The following MAP2 variants were observed in gnomAD, a reference collection of about 807,000 sequenced individuals.
MAP2 encodes microtubule associated protein 2.
In MAP2, 14 loss-of-function variants were observed where a neutral mutation model predicts 137.6. That is an observed-to-expected ratio of 0.10 (90% CI 0.07 to 0.16). The LOEUF is 0.16. Ranked by LOEUF, MAP2 falls within the 10% of genes least tolerant of loss-of-function variation. The probability of loss-of-function intolerance (pLI) is 1.00; values close to 1 mark genes in which losing one functional copy is unlikely to be tolerated. For missense variants in MAP2, 2,088 were observed against 2,191.5 expected (o/e 0.95, Z 0.94); for synonymous variants, 786 against 782.3 (o/e 1.00, Z -0.08).
At chr2:209,518,370 A>G (rs760687480) in intron 2 of MAP2, among the ~76,000 whole-genome samples, 14 of 152,116 alleles carry the variant, frequency 9.2e-5, no homozygotes, top group South Asian at 2.1e-4. Context: ...ATTTTTTAAA[A>G]GGGATCTTCA....
chr2:209,453,270 A>G (rs1416884364), intron 1 of MAP2, among the ~76,000 whole-genome samples: 2 of 152,046 alleles, frequency 1.3e-5, no homozygotes, highest in African/African-American at 2.4e-5. Context: ...ATGATCAGCC[A>G]TTATCTATCT....
intron 1 of MAP2, among the ~76,000 whole-genome samples, chr2:209,500,917 G>T (rs1304314045): frequency 6.6e-6 from 1 of 151,332 alleles, no homozygotes; most frequent in African/African-American, 2.4e-5. Context: ...CATGCCTCTA[G>T]TCCCAGCAAC....
chr2:209,677,386 TTAGATAGA>T (rs756741030), intron 5 of MAP2, among the ~76,000 whole-genome samples: 2 of 149,112 alleles, frequency 1.3e-5, no homozygotes, highest in South Asian at 2.1e-4. Flanking sequence ...AGATGATAGA[TTAGATAGA>T]TAGATAGATA....
chr2:209,673,581 A>T (rs1404482396), intron 5 of MAP2, among the ~76,000 whole-genome samples: 1 of 151,896 alleles, frequency 6.6e-6, no homozygotes, highest in African/African-American at 2.4e-5. Context: ...AGAACATTTT[A>T]TAAGTTCAAA....
rs565672185 is a variant in MAP2 at position 209,424,082 on chromosome 2, G to GGCA, written c.-394_-392dup. 135 of 160,590 alleles carry GGCA rather than the reference G, an allele frequency of 8.4e-4. 2 individuals are homozygous for GGCA. Among genetic ancestry groups the GGCA allele is most frequent in the South Asian group, 2.9e-3 (17 of 5,926 alleles). 9.9% of individuals were successfully genotyped at this position (160,590 alleles called of 1,614,324 possible). A position where few individuals can be genotyped will look rare whatever the true frequency, so the allele number is the denominator to read the frequency against. The stretch of plus-strand genomic sequence containing the variant: ...GGGCGCTCGGGCTGCGCGGGCTCTG[G>GGCA]GCAGCAGCAGCAGCAGCAGCAGCAT... On this transcript the variant is annotated 5_prime_UTR_variant, in exon 1 of 16. Transcript: ENST00000682079.
intron 2 of MAP2, among the ~76,000 whole-genome samples, chr2:209,539,169 C>T (rs2066473448): frequency 6.6e-6 from 1 of 152,164 alleles, no homozygotes; most frequent in Admixed American, 6.5e-5. Context: ...GAATCATTAT[C>T]ACTTTGGAGA....
intron 1 of MAP2, among the ~76,000 whole-genome samples, chr2:209,451,338 T>G (rs975982237): frequency 2.0e-5 from 3 of 152,132 alleles, no homozygotes; most frequent in Non-Finnish European, 4.4e-5. Flanking sequence ...ATTCAGACAA[T>G]GGGGAGCAAG....
Position 209,695,356 on chromosome 2 carries a change from A to G in MAP2, c.3186A>G (p.Ile1062Met), listed in dbSNP as rs201420432. The change falls in exon 8 of 16, where the codon ATA (isoleucine) becomes ATG (methionine). Residue 1062 changes from isoleucine to methionine, a missense_variant. This residue lies in a region of MAP2 where 500 missense variants were observed against 482.9 expected (regional missense o/e 1.04). Coordinates refer to ENST00000682079, the MANE Select transcript of MAP2 (RefSeq NM_001375505.1). ...GACAGATGGCTTCAGGGCTAAACAT[A>G]GATGATAGAAGGGCAACAGAGCTAA... ...DFGQMASGLN[I>M]DDRRATELKL... 9 of 1,613,912 alleles carry G rather than the reference A, an allele frequency of 5.6e-6. No homozygotes were observed. The East Asian group carries it at 1.6e-4, about 28-fold the overall frequency.
intron 2 of MAP2, among the ~76,000 whole-genome samples, chr2:209,564,848 C>T (rs1402078305): frequency 4.6e-5 from 7 of 152,102 alleles, no homozygotes; most frequent in African/African-American, 1.7e-4. Flanking sequence ...TCTCCTGCCC[C>T]CACATGCCCT....
intron 1 of MAP2, among the ~76,000 whole-genome samples, chr2:209,480,506 TC>T (rs966314774): frequency 5.3e-4 from 80 of 151,892 alleles, no homozygotes; most frequent in African/African-American, 1.9e-3. Flanking sequence ...CACATTGTTT[TC>T]CTTAGTAACT....
In MAP2 at chr2:209,600,437, A is replaced by AGCT. The variant is rs528770396; in HGVS notation, c.-107+20342_-107+20344dup. On this transcript the variant is annotated intron_variant, in intron 3 of 15. Coordinates refer to ENST00000682079, the MANE Select transcript of MAP2 (RefSeq NM_001375505.1). ...AGCTGTTGCAGCCTCCAGACCCACC[A>AGCT]GCTGCTGTCAGTCCCCCCAGCTGGC... 1.5e-3 allele frequency among the ~76,000 whole-genome samples: 225 copies of AGCT among 152,278 alleles called. 2 individuals carry two copies. The highest frequency in any genetic ancestry group is 5.1e-3 in the African/African-American group (212 of 41,560).
rs556539496 is a variant in MAP2, at chr2:209,692,060, C to A, written c.455-565C>A. ...TGGATGCCTAAAGAATTGGCCCTGA[C>A]ATTTGTTAATCAAGTTAACTGCAAC... On this transcript the variant is annotated intron_variant, in intron 7 of 15. Transcript: ENST00000682079. 1.6e-4 allele frequency among the ~76,000 whole-genome samples: 25 copies of A among 152,244 alleles called. No individual in the cohort carries two copies. In the South Asian group the frequency reaches 4.6e-3, roughly 28 times the overall value.
chr2:209,684,935 G>T (rs2056413960), intron 7 of MAP2, among the ~76,000 whole-genome samples: 1 of 151,936 alleles, frequency 6.6e-6, no homozygotes, highest in Non-Finnish European at 1.5e-5. Flanking sequence ...GGAAAGAACA[G>T]AGGTACCTGA....
At chr2:209,463,071 G>T (rs927281008) in intron 1 of MAP2, among the ~76,000 whole-genome samples, 1 of 152,034 alleles carries the variant, frequency 6.6e-6, no homozygotes, top group Non-Finnish European at 1.5e-5. Flanking sequence ...ACACACATGA[G>T]TGTGTCTTTT....
rs929040660 is a variant in MAP2, at chr2:209,733,230, G to A, written c.*2833G>A. 1 of 152,506 alleles carries A rather than the reference G, an allele frequency of 6.6e-6. No homozygotes were observed. Among genetic ancestry groups the A allele is most frequent in the Non-Finnish European group, 1.5e-5 (1 of 68,032 alleles). 9.4% of individuals were successfully genotyped at this position (152,506 alleles called of 1,614,324 possible). A position where few individuals can be genotyped will look rare whatever the true frequency, so the allele number is the denominator to read the frequency against. On this transcript the variant is annotated 3_prime_UTR_variant, in exon 16 of 16. Coordinates refer to ENST00000682079, the MANE Select transcript of MAP2 (RefSeq NM_001375505.1). ...TCTGGGTCACTTGCAACCAGAAATT[G>A]GATACCTCATAATGATGCAGGAAAG...
At chr2:209,729,763 C>A in intron 14 of MAP2, 87 bp from the exon 15 acceptor site, 1 of 787,776 alleles carries the variant, frequency 1.3e-6, no homozygotes, top group Non-Finnish European at 2.1e-6. Flanking sequence ...TTGTGGTTTG[C>A]CGTAGTCTAT....
chr2:209,600,175 T>C (rs540185289), intron 3 of MAP2, among the ~76,000 whole-genome samples: 2 of 151,460 alleles, frequency 1.3e-5, no homozygotes, highest in African/African-American at 4.9e-5. Context: ...TTACCCAAAA[T>C]AAAAACAAAC....
chr2:209,731,537 A>G lies in MAP2; in HGVS notation c.*1140A>G, dbSNP rs2075773299. The G allele has an allele frequency of 6.6e-6, 1 of 152,592 alleles. No homozygotes were observed. The highest frequency in any genetic ancestry group is 2.1e-4 in the South Asian group (1 of 4,832). 9.5% of individuals were successfully genotyped at this position (152,592 alleles called of 1,614,324 possible). A position where few individuals can be genotyped will look rare whatever the true frequency, so the allele number is the denominator to read the frequency against. On this transcript the variant is annotated 3_prime_UTR_variant, in exon 16 of 16. Transcript: ENST00000682079. Reference sequence around the variant, plus strand: ...GTTTACAGATTGTTGGTTTAAGATTATGGATTTATCTCATTTTTAATCACA... The same window carrying G: ...GTTTACAGATTGTTGGTTTAAGATTGTGGATTTATCTCATTTTTAATCACA...
At chr2:209,503,532 T>C (rs1191262779) in intron 1 of MAP2, among the ~76,000 whole-genome samples, 1 of 152,124 alleles carries the variant, frequency 6.6e-6, no homozygotes, top group Non-Finnish European at 1.5e-5. Context: ...AGGAGTTTTA[T>C]GGTTTCAGGT....
Sources: gnomAD v4.1 joint callset for allele counts (sites outside exome capture counted in the v4.1 genomes callset) on GRCh38, gnomAD v4.1.1 for gene constraint, gnomAD v4.1.1 regional missense constraint, MANE v1.5 for transcripts, NCBI Gene and HGNC (gene_info 2026-07-23, HGNC 2026-07-21) for gene names.